GAS7: variants seen among roughly 807,000 people sequenced by gnomAD.
The protein encoded by GAS7 is growth arrest-specific protein 7.
In GAS7, 28 loss-of-function variants were observed where a neutral mutation model predicts 71.1. That is an observed-to-expected ratio of 0.39 (90% CI 0.29 to 0.54). The LOEUF (loss-of-function observed/expected upper bound fraction) is 0.54. Ranked by LOEUF, GAS7 falls within the 20% of genes least tolerant of loss-of-function variation. The pLI is 0.62. For missense variants in GAS7, 436 were observed against 627.8 expected (o/e 0.69, Z 3.27); for synonymous variants, 258 against 245.8 (o/e 1.05, Z -0.46).
intron 5 of GAS7, among the ~76,000 whole-genome samples, chr17:9,955,641 G>C (rs1387204982): frequency 6.6e-6 from 1 of 152,172 alleles, no homozygotes; most frequent in Non-Finnish European, 1.5e-5. Context: ...CTTAGCCTCT[G>C]TCACACTACC....
intron 2 of GAS7, among the ~76,000 whole-genome samples, chr17:9,999,602 G>A (rs1294390929): frequency 6.6e-6 from 1 of 152,168 alleles, no homozygotes; most frequent in Non-Finnish European, 1.5e-5. Context: ...GGCTATTCTG[G>A]AAAATAGAAA....
intron 5 of GAS7, among the ~76,000 whole-genome samples, chr17:9,950,699 T>TA (rs1231916509): frequency 2.6e-5 from 4 of 151,256 alleles, no homozygotes; most frequent in African/African-American, 9.7e-5. Context: ...CTACTGAAAA[T>TA]ACAAAAATTA....
At chr17:10,029,139 G>C (rs1321892552) in intron 1 of GAS7, among the ~76,000 whole-genome samples, 1 of 152,158 alleles carries the variant, frequency 6.6e-6, no homozygotes, top group African/African-American at 2.4e-5. Context: ...TCATTTACGT[G>C]GGAAGACCAG....
chr17:10,035,894 C>A (rs750034557), intron 1 of GAS7, among the ~76,000 whole-genome samples: 14 of 152,194 alleles, frequency 9.2e-5, no homozygotes, highest in Non-Finnish European at 1.3e-4. Context: ...AGCCATGACC[C>A]CAGGAGCTCC....
At chr17:10,049,657 G>T in intron 1 of GAS7, among the ~76,000 whole-genome samples, 1 of 103,558 alleles carries the variant, frequency 9.7e-6, no homozygotes, top group Admixed American at 1.6e-4. Flanking sequence ...GTCTCACTCT[G>T]TCGCCCAGGC....
intron 11 of GAS7, 76 bp downstream of exon 11, chr17:9,925,400 A>C: frequency 6.8e-7 from 1 of 1,479,454 alleles, no homozygotes; most frequent in South Asian, 1.1e-5. Flanking sequence ...CACCCTCGCC[A>C]GTCACCTCAT....
chr17:9,934,608 C>G (rs1291511262), intron 8 of GAS7, among the ~76,000 whole-genome samples: 1 of 152,184 alleles, frequency 6.6e-6, no homozygotes, highest in African/African-American at 2.4e-5. Context: ...GGCCTTGACC[C>G]CTGGGCCGTC....
intron 1 of GAS7, among the ~76,000 whole-genome samples, chr17:10,192,200 T>C (rs1232182632): frequency 6.6e-6 from 1 of 152,180 alleles, no homozygotes; most frequent in Admixed American, 6.5e-5. Flanking sequence ...CACTTCTTCT[T>C]CTCGCCATAG....
chr17:10,190,772 G>A (rs1405582346), intron 1 of GAS7, among the ~76,000 whole-genome samples: 1 of 150,264 alleles, frequency 6.7e-6, no homozygotes, highest in African/African-American at 2.5e-5. Flanking sequence ...CACACTGAAA[G>A]AAGAAAAATT....
intron 3 of GAS7, among the ~76,000 whole-genome samples, chr17:9,973,256 CT>C (rs34030402): frequency 0.16 from 22,760 of 142,482 alleles, 2,171 homozygotes; most frequent in African/African-American, 0.29. Context: ...ATAGTAGAAA[CT>C]TTTTTTTTTT....
At chr17:10,029,493 A>G (rs2072557289) in intron 1 of GAS7, among the ~76,000 whole-genome samples, 1 of 152,232 alleles carries the variant, frequency 6.6e-6, no homozygotes, top group Admixed American at 6.5e-5. Context: ...AATCATGTAT[A>G]CATGTTGCTA....
At chr17:10,075,186 C>T (rs1268107756) in intron 1 of GAS7, among the ~76,000 whole-genome samples, 4 of 151,604 alleles carry the variant, frequency 2.6e-5, no homozygotes, top group Non-Finnish European at 4.4e-5. Context: ...TGAAACCCCA[C>T]CCCTACTAAA....
rs367651168 is a variant in GAS7 at position 9,935,162 on chromosome 17, C to T, written c.807-918G>A. 7.6e-4 allele frequency among the ~76,000 whole-genome samples: 116 copies of T among 152,334 alleles called. 1 individual carries two copies. Among genetic ancestry groups the T allele is most frequent in the African/African-American group, 2.7e-3 (113 of 41,580 alleles). ...CTGTGTGGGTCTAGTGACCTAGATG[C>T]AGCCACAGGGCAGAGAAGGCTCCCA... On this transcript the variant is annotated intron_variant, in intron 8 of 13. Transcript: ENST00000432992.
intron 1 of GAS7, among the ~76,000 whole-genome samples, chr17:10,187,887 C>T (rs866759359): frequency 1.3e-5 from 2 of 152,190 alleles, no homozygotes; most frequent in Admixed American, 1.3e-4. Flanking sequence ...CTGGACACAC[C>T]ATCTCTTTTT....
rs146865979 is a variant in GAS7, at chr17:10,125,673, G to A, written c.183+72535C>T. 6.0e-3 allele frequency among the ~76,000 whole-genome samples: 911 copies of A among 152,150 alleles called. 6 individuals are homozygous for A. The highest frequency in any genetic ancestry group is 0.021 in the African/African-American group (885 of 41,506). ...GGAGATGAGGAGGGAGGAGGGCAGG[G>A]TGGTGTAGAGAATGAGGCCCGGGTG... On this transcript the variant is annotated intron_variant, in intron 1 of 13. Coordinates refer to ENST00000432992, the MANE Select transcript of GAS7 (RefSeq NM_201433.2).
intron 1 of GAS7, among the ~76,000 whole-genome samples, chr17:10,104,432 A>G (rs2142057487): frequency 6.6e-6 from 1 of 151,060 alleles, no homozygotes; most frequent in Non-Finnish European, 1.5e-5. Context: ...CTATCTACTC[A>G]CTCCCTGTAG....
At chr17:9,924,936 TC>T (rs1441788615) in intron 11 of GAS7, among the ~76,000 whole-genome samples, 1 of 152,212 alleles carries the variant, frequency 6.6e-6, no homozygotes, top group Non-Finnish European at 1.5e-5. Flanking sequence ...AGAAACCAAC[TC>T]ATTGGGAGAC....
At chr17:9,949,751 C>T (rs2068931177) in intron 5 of GAS7, among the ~76,000 whole-genome samples, 1 of 150,348 alleles carries the variant, frequency 6.7e-6, no homozygotes, top group Non-Finnish European at 1.5e-5. Context: ...ATCCCTTCTT[C>T]TCTTTCTCCT....
intron 2 of GAS7, among the ~76,000 whole-genome samples, chr17:10,008,692 T>C (rs2071633200): frequency 1.3e-5 from 2 of 152,222 alleles, no homozygotes; most frequent in Admixed American, 1.3e-4. Context: ...CTTTAAGCTC[T>C]AACAGCCTTC....
Sources: gnomAD v4.1 joint callset for allele counts (sites outside exome capture counted in the v4.1 genomes callset) on GRCh38, gnomAD v4.1.1 for gene constraint, MANE v1.5 for transcripts, NCBI Gene and HGNC (gene_info 2026-07-23, HGNC 2026-07-21) for gene names.